Variants in CNTNAP2 observed in about 807,000 individuals in gnomAD.
CNTNAP2 encodes the protein contactin associated protein 2.
In CNTNAP2, 98 loss-of-function variants were observed where a neutral mutation model predicts 155.2. That is an observed-to-expected ratio of 0.63 (90% confidence interval 0.54 to 0.75). The LOEUF is 0.75. Among genes scored for constraint, CNTNAP2 ranks in the 30% least tolerant of loss-of-function variants. The pLI is 0.00. For synonymous variants in CNTNAP2, 651 were observed against 631.2 expected (o/e 1.03, Z -0.47); for missense variants, 1,727 against 1,688.1 (o/e 1.02, Z -0.40).
At chr7:146,710,360 G>C (rs770555955) in intron 1 of CNTNAP2, among the ~76,000 whole-genome samples, 1 of 152,164 alleles carries the variant, frequency 6.6e-6, no homozygotes, top group Admixed American at 6.6e-5. Context: ...ACACAGAAAA[G>C]TATAGGACAA....
chr7:148,221,569 T>C (rs577186848), intron 19 of CNTNAP2, among the ~76,000 whole-genome samples: 121 of 152,322 alleles, frequency 7.9e-4, no homozygotes, highest in Non-Finnish European at 1.5e-3. Context: ...AACATGTTTT[T>C]ATTATTTGAA....
At chr7:147,123,640 G>A (rs1584858203) in intron 6 of CNTNAP2, among the ~76,000 whole-genome samples, 1 of 152,208 alleles carries the variant, frequency 6.6e-6, no homozygotes. Flanking sequence ...CTTAGAGACT[G>A]CAATTATTGG....
In CNTNAP2 at chr7:148,331,698, GTGGATGGATGGAGTGGACGGATGGAT is replaced by G. The variant is rs1563045903; in HGVS notation, c.3476-51933_3476-51908del. On this transcript the variant is annotated intron_variant, in intron 21 of 23. Transcript: ENST00000361727. ...TGGATGGATGGAATGGACGGATGGA[GTGGATGGATGGAGTGGACGGATGGAT>G]TGGATGGATGGAGTGGATGGATGGA... 2.7e-3 allele frequency among the ~76,000 whole-genome samples: 393 copies of G among 144,088 alleles called. 9 individuals are homozygous for G. The highest frequency in any genetic ancestry group is 5.4e-3 in the East Asian group (26 of 4,804). 94.5% of individuals were successfully genotyped at this position (144,088 alleles called of 152,430 possible). A position where few individuals can be genotyped will look rare whatever the true frequency, so the allele number is the denominator to read the frequency against.
chr7:146,441,250 C>T lies in CNTNAP2; in HGVS notation c.97+324277C>T, dbSNP rs576486867. Reference sequence around the variant, plus strand: ...CGTGAAAAAAATTTTCTCTGGAAGACAACTTAATATCTTTCTTAAGCCCTA... The same window carrying T: ...CGTGAAAAAAATTTTCTCTGGAAGATAACTTAATATCTTTCTTAAGCCCTA... On this transcript the variant is annotated intron_variant, in intron 1 of 23. Transcript: ENST00000361727. 1.4e-4 allele frequency among the ~76,000 whole-genome samples: 21 copies of T among 151,602 alleles called. No homozygotes were observed. In the South Asian group the frequency reaches 4.4e-3, roughly 31 times the overall value.
At chr7:147,367,859 C>A (rs1485218944) in intron 9 of CNTNAP2, among the ~76,000 whole-genome samples, 1 of 151,286 alleles carries the variant, frequency 6.6e-6, no homozygotes, top group Non-Finnish European at 1.5e-5. Flanking sequence ...TGCCATGGAC[C>A]ATTGGTGTTA....
chr7:147,770,532 C>A (rs7808578), intron 13 of CNTNAP2, among the ~76,000 whole-genome samples: 2,364 of 152,026 alleles, frequency 0.016, 44 homozygotes, highest in African/African-American at 0.054. Flanking sequence ...CTATATTTTC[C>A]AAATGTTTTG....
At chr7:146,858,927 G>T (rs528904398) in intron 3 of CNTNAP2, among the ~76,000 whole-genome samples, 2 of 152,238 alleles carry the variant, frequency 1.3e-5, no homozygotes, top group South Asian at 4.1e-4. Flanking sequence ...AATACATTCA[G>T]AATACCAGGG....
intron 1 of CNTNAP2, among the ~76,000 whole-genome samples, chr7:146,345,754 A>C (rs1794809967): frequency 6.6e-6 from 1 of 152,196 alleles, no homozygotes; most frequent in African/African-American, 2.4e-5. Context: ...AAGAAACCAA[A>C]AGAAAATGGT....
intron 14 of CNTNAP2, among the ~76,000 whole-genome samples, chr7:147,952,102 A>G (rs1259707348): frequency 6.6e-6 from 1 of 151,896 alleles, no homozygotes; most frequent in African/African-American, 2.4e-5. Flanking sequence ...CTTTGGTTCA[A>G]AATATAGAGC....
At chr7:146,424,944 A>G (rs778018013) in intron 1 of CNTNAP2, among the ~76,000 whole-genome samples, 22 of 152,178 alleles carry the variant, frequency 1.4e-4, no homozygotes, top group Admixed American at 3.9e-4. Context: ...AAAATTTACA[A>G]ATGAAGCCTT....
At chr7:147,783,702 T>G (rs1048854722) in intron 13 of CNTNAP2, among the ~76,000 whole-genome samples, 7 of 152,178 alleles carry the variant, frequency 4.6e-5, no homozygotes, top group Admixed American at 1.3e-4. Flanking sequence ...GGTGATTAGG[T>G]CTTGAGAGTG....
intron 19 of CNTNAP2, among the ~76,000 whole-genome samples, chr7:148,224,008 GC>G (rs1406176265): frequency 2.0e-5 from 3 of 151,998 alleles, no homozygotes; most frequent in Non-Finnish European, 4.4e-5. Flanking sequence ...CAGGGGATGG[GC>G]ATGGCTGTAT....
chr7:147,872,079 A>T lies in CNTNAP2; in HGVS notation c.2099-31486A>T, dbSNP rs74504862. 2.0e-5 allele frequency among the ~76,000 whole-genome samples: 3 copies of T among 152,296 alleles called. No individual in the cohort carries two copies. The South Asian group carries it at 6.2e-4, about 32-fold the overall frequency. On this transcript the variant is annotated intron_variant, in intron 13 of 23. Coordinates refer to ENST00000361727, the MANE Select transcript of CNTNAP2 (RefSeq NM_014141.6). ...TCTACTCCTCCTTGGCCCACCCTAC[A>T]TTCTTTGACTATCACAAATGCCCTG...
intron 1 of CNTNAP2, among the ~76,000 whole-genome samples, chr7:146,678,270 C>G (rs1469590466): frequency 6.6e-6 from 1 of 151,858 alleles, no homozygotes; most frequent in Non-Finnish European, 1.5e-5. Flanking sequence ...GGTCTCACCA[C>G]GTTGGCCGGG....
At chr7:147,999,080 A>G (rs1453253926) in intron 15 of CNTNAP2, among the ~76,000 whole-genome samples, 1 of 152,112 alleles carries the variant, frequency 6.6e-6, no homozygotes, top group African/African-American at 2.4e-5. Context: ...TTATATTCTC[A>G]TTATAGAAGT....
At chr7:147,581,178 A>G (rs1188230550) in intron 12 of CNTNAP2, among the ~76,000 whole-genome samples, 1 of 152,202 alleles carries the variant, frequency 6.6e-6, no homozygotes. Flanking sequence ...GATGTTGGAG[A>G]TCACCATTTT....
At chr7:147,402,471 C>A (rs6464796) in intron 10 of CNTNAP2, among the ~76,000 whole-genome samples, 99,382 of 152,008 alleles carry the variant, frequency 0.65, 33,854 homozygotes, top group African/African-American at 0.86. Flanking sequence ...ACAGCTATTC[C>A]CAGCATGTCT....
intron 1 of CNTNAP2, among the ~76,000 whole-genome samples, chr7:146,315,033 C>A (rs1800884451): frequency 6.6e-6 from 1 of 152,168 alleles, no homozygotes. Flanking sequence ...TGGAGAAAGC[C>A]AGGGAAGGCC....
At chr7:147,274,490 C>A (rs1804848469) in intron 8 of CNTNAP2, among the ~76,000 whole-genome samples, 2 of 151,958 alleles carry the variant, frequency 1.3e-5, no homozygotes, top group South Asian at 4.1e-4. Flanking sequence ...CTGTTCATGT[C>A]CTTTGCCCAC....
Sources: gnomAD v4.1 joint callset for allele counts (sites outside exome capture counted in the v4.1 genomes callset) on GRCh38, gnomAD v4.1.1 for gene constraint, MANE v1.5 for transcripts, NCBI Gene and HGNC (gene_info 2026-07-23, HGNC 2026-07-21) for gene names.